The following HERC2 variants were observed in gnomAD, a reference collection of about 807,000 sequenced individuals.
The protein encoded by HERC2 is E3 ubiquitin-protein ligase HERC2.
A neutral mutation model predicts 537.7 loss-of-function variants in HERC2; 102 were observed. The observed-to-expected ratio is 0.19, with a 90% CI of 0.16 to 0.22. The LOEUF is 0.22. Ranked by LOEUF, HERC2 falls within the 10% of genes least tolerant of loss-of-function variation. The pLI is 1.00. For synonymous variants in HERC2, 2,224 were observed against 2,466.2 expected (o/e 0.90, Z 2.91); for missense variants, 4,236 against 6,198.2 (o/e 0.68, Z 10.63).
At position 28,186,674 on chromosome 15, in the gene HERC2, G is replaced by A; in HGVS notation, c.8728C>T (p.Leu2910=). Residue 2910 remains leucine (L), a synonymous_variant, in exon 56 of 93, where the codon CTG becomes TTG. Coordinates refer to ENST00000261609, the MANE Select transcript of HERC2 (RefSeq NM_004667.6). ...IDCKIHGLIL[L]GRIRAEEEDL... ...TCCTCTTCTGCACGGATCCGTCCCA[G>A]CAGGATGAGACCATGGATTTTACAA... 1 of 1,614,016 alleles carries A rather than the reference G, an allele frequency of 6.2e-7. No homozygotes were observed. Among genetic ancestry groups the A allele is most frequent in the Non-Finnish European group, 8.5e-7 (1 of 1,179,898 alleles).
At chr15:28,264,295 C>T (rs1231077175) in intron 14 of HERC2, among the ~76,000 whole-genome samples, 1 of 152,168 alleles carries the variant, frequency 6.6e-6, no homozygotes, top group Non-Finnish European at 1.5e-5. Context: ...AGTGGCATGC[C>T]TGCATGCCAA....
At chr15:28,131,711 G>C (rs1363015613) in intron 81 of HERC2, among the ~76,000 whole-genome samples, 3 of 152,262 alleles carry the variant, frequency 2.0e-5, no homozygotes, top group Admixed American at 6.5e-5. Context: ...AGTCCCTTTA[G>C]CAAGCACTGG....
intron 52 of HERC2, among the ~76,000 whole-genome samples, chr15:28,192,671 A>C (rs1292578566): frequency 2.6e-5 from 4 of 152,332 alleles, no homozygotes; most frequent in Middle Eastern, 6.8e-3. Flanking sequence ...CCGCAGGAAG[A>C]CCCGAGGCGA....
Position 28,196,287 on chromosome 15 carries a change from C to T in HERC2, c.8188G>A (p.Asp2730Asn). The change falls in exon 52 of 93, where the codon GAT (aspartate) becomes AAT (asparagine). Residue 2730 changes from aspartate (D) to asparagine (N), a missense_variant. By Grantham distance (23) the Asp-to-Asn change is conservative. Around this residue, in one of 27 missense-constraint regions of HERC2, gnomAD observed 606 missense variants for 884.5 expected, o/e 0.69. Transcript: ENST00000261609. ...RFKCRNCDDF[D>N]FCETCFKTKK... is the part of the protein sequence containing the mutation. ...GTCTTGAAACACGTTTCACAAAAAT[C>T]AAAGTCATCACAGTTTCTGCATTTG... The T allele has an allele frequency of 4.8e-6, 7 of 1,458,218 alleles. No homozygotes were observed. Among genetic ancestry groups the T allele is most frequent in the Non-Finnish European group, 6.7e-6 (7 of 1,051,100 alleles). 90.3% of individuals were successfully genotyped at this position (1,458,218 alleles called of 1,614,324 possible).
At chr15:28,271,821 G>A (rs756097731) in intron 9 of HERC2, among the ~76,000 whole-genome samples, 2 of 152,188 alleles carry the variant, frequency 1.3e-5, no homozygotes, top group Admixed American at 6.5e-5. Context: ...GGCCCCGCAC[G>A]CCTGCTCCTC....
In HERC2 at chr15:28,269,406, A is replaced by C; in HGVS notation, c.1288T>G (p.Leu430Val). 1 of 1,614,048 alleles carries C rather than the reference A, an allele frequency of 6.2e-7. No homozygotes were observed. Residue 430 changes from leucine to valine, a missense_variant, in exon 11 of 93, where the codon TTA (leucine) becomes GTA (valine). By Grantham distance (32) the Leu-to-Val change is conservative. Transcript: ENST00000261609. ...TTGGCATAGTATTTCCATCCTATTA[A>C]CCCCCAACCTATGACCTCTTGCAAT... Reference protein sequence around the residue: ...GSLQEVIGWGLIGWKYYANVI... With the variant: ...GSLQEVIGWGVIGWKYYANVI...
intron 80 of HERC2, 132 bp downstream of exon 80, chr15:28,132,521 T>C (rs1227509516): frequency 2.1e-6 from 2 of 940,896 alleles, no homozygotes; most frequent in South Asian, 3.0e-5. Context: ...TATTCACTTC[T>C]TGCACCCAAA....
intron 65 of HERC2, among the ~76,000 whole-genome samples, chr15:28,172,690 T>C (rs1231831798): frequency 6.6e-6 from 1 of 152,200 alleles, no homozygotes; most frequent in African/African-American, 2.4e-5. Context: ...AGAATCTTTA[T>C]AATCTTGAGG....
At chr15:28,199,018 A>G (rs1317835931) in intron 48 of HERC2, among the ~76,000 whole-genome samples, 1 of 152,040 alleles carries the variant, frequency 6.6e-6, no homozygotes, top group East Asian at 1.9e-4. Context: ...GTGGCGGTGC[A>G]TGCCTGTGGT....
rs3881419 is a variant in HERC2 at position 28,237,012 on chromosome 15, C to G, written c.3954G>C (p.Ser1318=). ...ACAGCGGTGTGCTCATTGCCAAATA[C>G]GAAGCGTGTAATCCGAGAAGCAGGC... The part of the protein sequence containing the change: ...NLGLLLGLHA[S]YLAMSTPLSP... The change falls in exon 26 of 93, where the codon TCG becomes TCC. Residue 1318 remains serine, a synonymous_variant. Coordinates refer to ENST00000261609, the MANE Select transcript of HERC2 (RefSeq NM_004667.6). 386 of 1,611,594 alleles carry G rather than the reference C, an allele frequency of 2.4e-4. 3 individuals carry two copies. The highest frequency in any genetic ancestry group is 2.0e-3 in the Admixed American group (119 of 59,896).
chr15:28,186,446 A>C (rs1896317231), intron 56 of HERC2, 131 bp downstream of exon 56: 1 of 638,708 alleles, frequency 1.6e-6, no homozygotes, highest in Admixed American at 3.3e-5. Flanking sequence ...AAACAACTGT[A>C]ATTTACCAAT....
In HERC2 at chr15:28,265,718, G is replaced by A. The variant is rs141562067; in HGVS notation, c.1770C>T (p.Asp590=). 3.7e-4 allele frequency: 594 copies of A among 1,614,094 alleles called. 2 individuals carry two copies. Among genetic ancestry groups the A allele is most frequent in the East Asian group, 1.6e-3 (73 of 44,862 alleles). The part of the protein sequence containing the change: ...YGRLGHGSSE[D]EAIPMLVAGL... ...CGGCTACCAGCATCGGAATGGCCTC[G>A]TCCTCACTGGAGCCTTCAAACAGAT... The change falls in exon 14 of 93, where the codon GAC becomes GAT. Residue 590 remains aspartate, a synonymous_variant. Coordinates refer to ENST00000261609, the MANE Select transcript of HERC2 (RefSeq NM_004667.6). This position sits in a 1 kb window ranked among gnomAD's most constrained non-coding sequence, Gnocchi z 4.0.
chr15:28,191,005 G>A lies in HERC2; in HGVS notation c.8609C>T (p.Pro2870Leu), dbSNP rs1284541506. The A allele has an allele frequency of 1.2e-6, 2 of 1,612,928 alleles. No individual in the cohort carries two copies. Among genetic ancestry groups the A allele is most frequent in the East Asian group, 2.2e-5 (1 of 44,864 alleles). ...CAGAAGGGGCACTGTGGTGTCAGAA[G>A]GGTTAATATTGATTGTCTTTAGTTC... is the stretch of plus-strand genomic sequence containing the variant. ...LIELKTININ[P>L]SDTTVPLLND... Residue 2870 changes from proline (P) to leucine (L), a missense_variant, in exon 55 of 93, where the codon CCT becomes CTT. Coordinates refer to ENST00000261609, the MANE Select transcript of HERC2 (RefSeq NM_004667.6).
rs979633648 is a variant in HERC2, at chr15:28,239,952, A to G, written c.3578-1180T>C. On this transcript the variant is annotated intron_variant, in intron 23 of 92. Coordinates refer to ENST00000261609, the MANE Select transcript of HERC2 (RefSeq NM_004667.6). ...AGGTCCTAATTCAAAATTACCACCT[A>G]AAAAAGGCATTTTTGAGATAGTCCA... 3.3e-5 allele frequency among the ~76,000 whole-genome samples: 5 copies of G among 152,190 alleles called. 1 individual carries two copies. Among genetic ancestry groups the G allele is most frequent in the African/African-American group, 1.2e-4 (5 of 41,448 alleles).
chr15:28,290,817 TTA>T (rs1309781575), intron 4 of HERC2, among the ~76,000 whole-genome samples: 16 of 152,202 alleles, frequency 1.1e-4, no homozygotes, highest in African/African-American at 3.6e-4. Context: ...TAAACAATGC[TTA>T]GAGGGAAATT....
intron 44 of HERC2, among the ~76,000 whole-genome samples, chr15:28,208,808 G>T (rs1325495459): frequency 6.6e-6 from 1 of 152,146 alleles, no homozygotes; most frequent in African/African-American, 2.4e-5. Flanking sequence ...AGCTGCCACT[G>T]GCTCCAGATG....
At chr15:28,230,162 T>A (rs1441997604) in intron 31 of HERC2, among the ~76,000 whole-genome samples, 1 of 151,982 alleles carries the variant, frequency 6.6e-6, no homozygotes, top group Non-Finnish European at 1.5e-5. Flanking sequence ...AATGATACAA[T>A]CTAATACCAA....
chr15:28,248,197 C>T (rs191032535), intron 21 of HERC2, among the ~76,000 whole-genome samples: 1 of 152,200 alleles, frequency 6.6e-6, no homozygotes, highest in Non-Finnish European at 1.5e-5. Context: ...CTGGCTCCCC[C>T]ATGTGACATA....
At position 28,114,765 on chromosome 15, in the gene HERC2, C is replaced by A; in HGVS notation, c.13760G>T (p.Arg4587Leu). The A allele has an allele frequency of 1.9e-6, 3 of 1,614,042 alleles. No individual in the cohort carries two copies. The highest frequency in any genetic ancestry group is 2.5e-6 in the Non-Finnish European group (3 of 1,180,018). ...CTCCTCTGAGGTGGCTTCATTGTCT[C>A]GGATGTACATGAGTCCAGGAATAAA... ...KDFIPGLMYIRDNEATSEEFE... is the reference protein window; with the variant it reads ...KDFIPGLMYILDNEATSEEFE... Residue 4587 changes from arginine to leucine, a missense_variant, in exon 90 of 93, where the codon CGA becomes CTA. Physicochemically the swap from Arg to Leu is moderately radical, Grantham distance 102 (BLOSUM62 -2). Around this residue, in one of 27 missense-constraint regions of HERC2, gnomAD observed 313 missense variants for 462.6 expected, o/e 0.68. Transcript: ENST00000261609.
Sources: allele counts gnomAD v4.1 joint callset (sites outside exome capture counted in the v4.1 genomes callset), GRCh38; gene constraint gnomAD v4.1.1; regional missense constraint gnomAD v4.1.1; non-coding constraint Gnocchi (gnomAD v3.1); transcripts MANE v1.5; gene names NCBI Gene and HGNC (gene_info 2026-07-23, HGNC 2026-07-21).